The following TFPI variants were observed in gnomAD, a reference collection of about 807,000 sequenced individuals.
TFPI encodes the protein anti-convertin.
Under a neutral mutation model 34.6 loss-of-function variants are expected in TFPI, and 15 were observed. The ratio of observed to expected loss-of-function variants is 0.43; its 90% CI spans 0.29 to 0.67. TFPI has a LOEUF of 0.67. Among genes scored for constraint, TFPI ranks in the 30% least tolerant of loss-of-function variants. The pLI, the probability that TFPI is intolerant of heterozygous loss-of-function variation, is 0.15. For synonymous variants in TFPI, 105 were observed against 120.1 expected, an observed-to-expected ratio of 0.87 and a Z score of 0.82; for missense variants, 301 against 364.0, an observed-to-expected ratio of 0.83 and a Z score of 1.41.
At chr2:187,509,822 G>A (rs1412009085) in intron 1 of TFPI, among the ~76,000 whole-genome samples, 3 of 151,924 alleles carry the variant, frequency 2.0e-5, no homozygotes, top group Non-Finnish European at 2.9e-5. Flanking sequence ...TTAGTTGTCA[G>A]ATATAAAAAG....
intron 1 of TFPI, among the ~76,000 whole-genome samples, chr2:187,506,847 T>G (rs936946742): frequency 2.0e-5 from 3 of 152,128 alleles, no homozygotes; most frequent in Non-Finnish European, 2.9e-5. Flanking sequence ...CTGACTGGGG[T>G]AATGATTGTT....
chr2:187,498,018 G>A (rs1226447877), intron 2 of TFPI, among the ~76,000 whole-genome samples: 1 of 151,552 alleles, frequency 6.6e-6, no homozygotes, highest in Non-Finnish European at 1.5e-5. Context: ...AATCTCTTAT[G>A]GGGAATATTG....
intron 2 of TFPI, among the ~76,000 whole-genome samples, chr2:187,503,139 C>A (rs1211321822): frequency 1.3e-5 from 2 of 151,856 alleles, no homozygotes; most frequent in Non-Finnish European, 2.9e-5. Context: ...GGGATTAGAT[C>A]TAACTTATAT....
intron 1 of TFPI, among the ~76,000 whole-genome samples, chr2:187,542,996 G>C (rs1688664192): frequency 6.6e-6 from 1 of 152,042 alleles, no homozygotes. Context: ...GATTATATTT[G>C]GATTTTGTTA....
At chr2:187,551,199 C>G (rs1239286340) in intron 1 of TFPI, among the ~76,000 whole-genome samples, 2 of 152,026 alleles carry the variant, frequency 1.3e-5, no homozygotes, top group African/African-American at 4.8e-5. Flanking sequence ...TGCAATAATT[C>G]CAAGTCTACA....
At chr2:187,541,216 A>C (rs1403259082) in intron 1 of TFPI, among the ~76,000 whole-genome samples, 1 of 152,190 alleles carries the variant, frequency 6.6e-6, no homozygotes, top group East Asian at 1.9e-4. Flanking sequence ...GAAAGCCAGA[A>C]GTTTGGGGAT....
At chr2:187,535,653 C>G (rs1453100979) in intron 1 of TFPI, among the ~76,000 whole-genome samples, 1 of 152,034 alleles carries the variant, frequency 6.6e-6, no homozygotes, top group African/African-American at 2.4e-5. Flanking sequence ...AAGTTGACAA[C>G]CAAACATTGC....
chr2:187,546,549 C>G (rs549974295), intron 1 of TFPI, among the ~76,000 whole-genome samples: 6 of 150,550 alleles, frequency 4.0e-5, no homozygotes, highest in Middle Eastern at 6.8e-3. Flanking sequence ...GAATAAAAAA[C>G]GAATGCAAGA....
intron 1 of TFPI, among the ~76,000 whole-genome samples, chr2:187,553,834 G>A (rs1288050264): frequency 6.6e-6 from 1 of 152,066 alleles, no homozygotes; most frequent in Non-Finnish European, 1.5e-5. Context: ...GAAATAAAAT[G>A]GAAAGGTAAA....
chr2:187,529,983 T>G (rs1045964042), intron 1 of TFPI, among the ~76,000 whole-genome samples: 3 of 152,190 alleles, frequency 2.0e-5, no homozygotes, highest in Non-Finnish European at 4.4e-5. Flanking sequence ...TGGTGTTTGT[T>G]TATTCGTTTG....
chr2:187,548,997 A>T (rs1688999012), intron 1 of TFPI, among the ~76,000 whole-genome samples: 1 of 152,096 alleles, frequency 6.6e-6, no homozygotes, highest in Non-Finnish European at 1.5e-5. Context: ...AAAAATGCTT[A>T]ATTTTTTTGA....
At chr2:187,542,305 AT>A (rs1319797372) in intron 1 of TFPI, among the ~76,000 whole-genome samples, 5 of 152,076 alleles carry the variant, frequency 3.3e-5, no homozygotes, top group Admixed American at 3.3e-4. Flanking sequence ...ATACAAATAC[AT>A]TTTTAAAGTG....
At chr2:187,477,681 A>C (rs1391160071) in intron 6 of TFPI, among the ~76,000 whole-genome samples, 1 of 152,220 alleles carries the variant, frequency 6.6e-6, no homozygotes, top group African/African-American at 2.4e-5. Context: ...AATTGATTAT[A>C]TCAGTGATTG....
intron 6 of TFPI, among the ~76,000 whole-genome samples, chr2:187,481,615 G>A (rs1384969796): frequency 8.1e-6 from 1 of 122,816 alleles, no homozygotes; most frequent in African/African-American, 3.0e-5. Flanking sequence ...CTGCAACATT[G>A]TTTCATGTTT....
rs1343282785 is a variant in TFPI at position 187,466,822 on chromosome 2, G to T, written c.*114C>A. ...GTTGATAACAAGTACAATAAGCATAGAAAATTTAATGAACATATTAATTAA... is the reference window on the plus strand; with the variant it reads ...GTTGATAACAAGTACAATAAGCATATAAAATTTAATGAACATATTAATTAA... On this transcript the variant is annotated 3_prime_UTR_variant, in exon 8 of 8. Transcript: ENST00000233156. The T allele has an allele frequency of 1.2e-5, 7 of 590,006 alleles. No individual in the cohort carries two copies. The highest frequency in any genetic ancestry group is 2.0e-5 in the African/African-American group (1 of 51,046). 36.5% of individuals were successfully genotyped at this position (590,006 alleles called of 1,614,324 possible). A position where few individuals can be genotyped will look rare whatever the true frequency, so the allele number is the denominator to read the frequency against.
chr2:187,493,160 A>C (rs945256655), intron 3 of TFPI, among the ~76,000 whole-genome samples: 3 of 152,124 alleles, frequency 2.0e-5, no homozygotes, highest in African/African-American at 7.2e-5. Flanking sequence ...ATTTCCATAC[A>C]TCTTCTGAAA....
At chr2:187,551,770 T>A (rs1268478536) in intron 1 of TFPI, among the ~76,000 whole-genome samples, 1 of 152,174 alleles carries the variant, frequency 6.6e-6, no homozygotes, top group East Asian at 1.9e-4. Flanking sequence ...AGAATTATAG[T>A]ACTGCTATAT....
chr2:187,473,808 T>A (rs1398286556), intron 6 of TFPI, among the ~76,000 whole-genome samples: 2 of 150,914 alleles, frequency 1.3e-5, no homozygotes, highest in African/African-American at 2.4e-5. Context: ...GGAGCTTTTT[T>A]TTTTCCCCCC....
At chr2:187,538,400 C>A (rs1688385117) in intron 1 of TFPI, among the ~76,000 whole-genome samples, 1 of 152,126 alleles carries the variant, frequency 6.6e-6, no homozygotes, top group South Asian at 2.1e-4. Flanking sequence ...GAATACTATA[C>A]AGCCATAAAA....
Sources: allele counts gnomAD v4.1 joint callset (sites outside exome capture counted in the v4.1 genomes callset), GRCh38; gene constraint gnomAD v4.1.1; transcripts MANE v1.5; gene names NCBI Gene and HGNC (gene_info 2026-07-23, HGNC 2026-07-21).